EYA4: variants seen among roughly 807,000 people sequenced by gnomAD.
EYA4 encodes EYA transcriptional coactivator and phosphatase 4.
In EYA4, 31 loss-of-function variants were observed where a neutral mutation model predicts 87.9. The ratio of observed to expected loss-of-function variants is 0.35; its 90% CI spans 0.27 to 0.48. EYA4 has a LOEUF of 0.48. Among genes scored for constraint, EYA4 ranks in the 20% least tolerant of loss-of-function variants. The pLI is 0.99. For synonymous variants in EYA4, 263 were observed against 270.6 expected (o/e 0.97, Z 0.28); for missense variants, 678 against 761.4 (o/e 0.89, Z 1.29).
chr6:133,249,902 A>T (rs1355957683), intron 1 of EYA4, among the ~76,000 whole-genome samples: 1 of 152,244 alleles, frequency 6.6e-6, no homozygotes, highest in Non-Finnish European at 1.5e-5. Flanking sequence ...CTTTAAGCTG[A>T]GAATTTACTG....
intron 17 of EYA4, among the ~76,000 whole-genome samples, chr6:133,517,644 C>G (rs1428938014): frequency 6.6e-6 from 1 of 152,102 alleles, no homozygotes; most frequent in Non-Finnish European, 1.5e-5. Context: ...GCAGAAAGTC[C>G]AAATGGAGAG....
chr6:133,339,283 C>G (rs1426910297), intron 2 of EYA4, among the ~76,000 whole-genome samples: 1 of 152,112 alleles, frequency 6.6e-6, no homozygotes, highest in Non-Finnish European at 1.5e-5. Flanking sequence ...GTTCAAATAC[C>G]AAGCTCAAAG....
At chr6:133,249,558 T>G (rs1300653388) in intron 1 of EYA4, among the ~76,000 whole-genome samples, 1 of 152,198 alleles carries the variant, frequency 6.6e-6, no homozygotes, top group Non-Finnish European at 1.5e-5. Flanking sequence ...CAGGTTGCTC[T>G]TCTCATCTCT....
At chr6:133,469,785 A>G (rs1795169948) in intron 11 of EYA4, among the ~76,000 whole-genome samples, 1 of 152,064 alleles carries the variant, frequency 6.6e-6, no homozygotes, top group Non-Finnish European at 1.5e-5. Flanking sequence ...GGCTACATAA[A>G]GATTTTATAG....
At chr6:133,353,631 T>G (rs73559628) in intron 2 of EYA4, among the ~76,000 whole-genome samples, 1 of 152,158 alleles carries the variant, frequency 6.6e-6, no homozygotes, top group Non-Finnish European at 1.5e-5. Flanking sequence ...TCTCACCTTA[T>G]GTCTAGCATC....
intron 3 of EYA4, among the ~76,000 whole-genome samples, chr6:133,425,470 A>T (rs575994586): frequency 6.6e-6 from 1 of 150,704 alleles, no homozygotes; most frequent in East Asian, 2.0e-4. Context: ...ACTTACTTGG[A>T]AGTCTCCCTT....
chr6:133,411,121 C>G (rs1392672707), intron 3 of EYA4, among the ~76,000 whole-genome samples: 1 of 152,114 alleles, frequency 6.6e-6, no homozygotes, highest in East Asian at 1.9e-4. Flanking sequence ...TTTAACACTA[C>G]ATGATGTTTT....
intron 11 of EYA4, among the ~76,000 whole-genome samples, chr6:133,477,738 C>T (rs912987914): frequency 6.6e-6 from 1 of 151,930 alleles, no homozygotes; most frequent in African/African-American, 2.4e-5. Context: ...TTAATTGCCA[C>T]TTCTCCAGTT....
intron 9 of EYA4, among the ~76,000 whole-genome samples, chr6:133,464,329 G>C (rs1794662237): frequency 3.3e-5 from 5 of 152,076 alleles, no homozygotes; most frequent in Admixed American, 3.3e-4. Context: ...AAAGTACAAG[G>C]AGTTGCTAAA....
At chr6:133,291,091 G>C (rs1486051039) in intron 2 of EYA4, among the ~76,000 whole-genome samples, 1 of 152,086 alleles carries the variant, frequency 6.6e-6, no homozygotes, top group Non-Finnish European at 1.5e-5. Context: ...ATTAACAGAA[G>C]AAAAATAATT....
At chr6:133,258,426 C>A (rs1048523813) in intron 1 of EYA4, among the ~76,000 whole-genome samples, 1 of 152,154 alleles carries the variant, frequency 6.6e-6, no homozygotes, top group African/African-American at 2.4e-5. Context: ...CCCGCGCTTT[C>A]TTCACCAAAT....
intron 13 of EYA4, among the ~76,000 whole-genome samples, chr6:133,487,332 G>C (rs1355729026): frequency 2.0e-5 from 3 of 152,166 alleles, no homozygotes; most frequent in African/African-American, 7.2e-5. Context: ...GACAAGTCCT[G>C]CTGCTCTGCT....
Position 133,280,859 on chromosome 6 carries a change from C to T in EYA4, c.33+6046C>T, listed in dbSNP as rs758709876. Reference sequence around the variant, plus strand: ...GAAAGAGATCCCATGCCCATTAGCACACTCCCCATTCCCCCGATGAGCACC... The same window carrying T: ...GAAAGAGATCCCATGCCCATTAGCATACTCCCCATTCCCCCGATGAGCACC... On this transcript the variant is annotated intron_variant, in intron 2 of 19. Transcript: ENST00000355286. Among the ~76,000 whole-genome samples, 15 of 152,258 alleles carry T rather than the reference C, an allele frequency of 9.9e-5. 1 individual carries two copies. The Middle Eastern group carries it at 0.014, about 138-fold the overall frequency.
Position 133,243,218 on chromosome 6 carries a change from TC to T in EYA4, c.-66+1471del, listed in dbSNP as rs540406055. Among the ~76,000 whole-genome samples the T allele has an allele frequency of 2.0e-3, 310 of 152,156 alleles. 1 individual carries two copies. Among genetic ancestry groups the T allele is most frequent in the African/African-American group, 6.9e-3 (285 of 41,536 alleles). On this transcript the variant is annotated intron_variant, in intron 1 of 19. Coordinates refer to ENST00000355286, the MANE Select transcript of EYA4 (RefSeq NM_004100.5). Reference sequence around the variant, plus strand: ...TTTCCTGGCTGTCATTACAGACACTTCCAAAATCTGATACCTAAGAGAACCA... The same window carrying T: ...TTTCCTGGCTGTCATTACAGACACTTCAAAATCTGATACCTAAGAGAACCA...
intron 2 of EYA4, among the ~76,000 whole-genome samples, chr6:133,323,635 G>A (rs886078583): frequency 5.9e-5 from 9 of 152,100 alleles, no homozygotes; most frequent in Admixed American, 2.6e-4. Context: ...TGATAATGAG[G>A]TTCTAGGGGA....
chr6:133,467,011 A>G (rs1048905363), intron 10 of EYA4, among the ~76,000 whole-genome samples: 1 of 152,148 alleles, frequency 6.6e-6, no homozygotes, highest in African/African-American at 2.4e-5. Context: ...AAAGTCAGAA[A>G]TGGAAACGAG....
chr6:133,390,092 A>G (rs908871121), intron 3 of EYA4, among the ~76,000 whole-genome samples: 6 of 152,240 alleles, frequency 3.9e-5, no homozygotes, highest in Non-Finnish European at 5.9e-5. Context: ...AAGCATGAGC[A>G]AATAACCTTA....
chr6:133,351,580 A>G (rs1173465772), intron 2 of EYA4, among the ~76,000 whole-genome samples: 2 of 151,762 alleles, frequency 1.3e-5, no homozygotes, highest in East Asian at 1.9e-4. Context: ...TACTGTAGAC[A>G]GACAGTTGTG....
intron 17 of EYA4, 27 bp from the exon 18 acceptor site, chr6:133,523,029 A>T (rs1358994522): frequency 6.3e-7 from 1 of 1,589,322 alleles, no homozygotes; most frequent in African/African-American, 1.3e-5. Context: ...TTAGAAAACA[A>T]ACATGTATAT....
Sources: gnomAD v4.1 joint callset for allele counts (sites outside exome capture counted in the v4.1 genomes callset) on GRCh38, gnomAD v4.1.1 for gene constraint, MANE v1.5 for transcripts, NCBI Gene and HGNC (gene_info 2026-07-23, HGNC 2026-07-21) for gene names.